FBXL17: variants seen among roughly 807,000 people sequenced by gnomAD.
The protein encoded by FBXL17 is F-box and leucine rich repeat protein 17, also known as F-box/LRR-repeat protein 17.
A neutral mutation model predicts 66.2 loss-of-function variants in FBXL17; 22 were observed. The observed-to-expected ratio is 0.33, with a 90% confidence interval of 0.24 to 0.47. The LOEUF (loss-of-function observed/expected upper bound fraction) is 0.47, where lower values mean the gene tolerates loss of function less well. Ranked by LOEUF, FBXL17 falls within the 20% of genes least tolerant of loss-of-function variation. FBXL17 has a pLI of 1.00. For missense variants in FBXL17, 878 were observed against 948.2 expected (o/e 0.93, Z 0.97); for synonymous variants, 474 against 400.5 (o/e 1.18, Z -2.19).
chr5:108,014,133 T>G (rs576840812), intron 7 of FBXL17, among the ~76,000 whole-genome samples: 1 of 152,246 alleles, frequency 6.6e-6, no homozygotes, highest in East Asian at 1.9e-4. Flanking sequence ...TGATGCTTTA[T>G]ATGATTTGGG....
chr5:108,131,942 C>T (rs1310218565), intron 6 of FBXL17, among the ~76,000 whole-genome samples: 1 of 151,152 alleles, frequency 6.6e-6, no homozygotes, highest in Non-Finnish European at 1.5e-5. Context: ...ATGAGTCCTT[C>T]CAAAATGAAT....
Position 108,186,103 on chromosome 5 carries a change from G to A in FBXL17, c.1745+14C>T, listed in dbSNP as rs1217841199. The stretch of plus-strand genomic sequence containing the variant: ...TCCTCTAGAAAAGTATTTTTAACAT[G>A]TTACAATGGTTACCTGTCATTTATG... On this transcript the variant is annotated intron_variant, in intron 6 of 8. Transcript: ENST00000542267. 6.3e-7 allele frequency: 1 copy of A among 1,597,946 alleles called. No individual in the cohort carries two copies. The highest frequency in any genetic ancestry group is 8.6e-7 in the Non-Finnish European group (1 of 1,169,258).
intron 4 of FBXL17, among the ~76,000 whole-genome samples, chr5:108,321,835 A>G (rs1759633999): frequency 6.6e-6 from 1 of 151,950 alleles, no homozygotes; most frequent in African/African-American, 2.4e-5. Flanking sequence ...TAATATCTTT[A>G]ATTTATAAAA....
chr5:108,100,580 G>A (rs1012507389), intron 6 of FBXL17, among the ~76,000 whole-genome samples: 7 of 152,068 alleles, frequency 4.6e-5, no homozygotes, highest in South Asian at 2.1e-4. Context: ...ACCCTACCAG[G>A]AGGCTGGTTT....
intron 6 of FBXL17, among the ~76,000 whole-genome samples, chr5:108,129,154 C>T (rs1348712884): frequency 6.6e-6 from 1 of 152,030 alleles, no homozygotes; most frequent in Non-Finnish European, 1.5e-5. Flanking sequence ...AATCAATCTA[C>T]TGTTATTGCA....
intron 4 of FBXL17, among the ~76,000 whole-genome samples, chr5:108,316,033 T>C (rs893723215): frequency 6.6e-6 from 1 of 151,452 alleles, no homozygotes; most frequent in Non-Finnish European, 1.5e-5. Context: ...CTGACATCTA[T>C]TAAACAAAGG....
intron 6 of FBXL17, among the ~76,000 whole-genome samples, chr5:108,049,782 C>T (rs1561385494): frequency 6.6e-6 from 1 of 152,180 alleles, no homozygotes; most frequent in Non-Finnish European, 1.5e-5. Context: ...AATTAAAAGA[C>T]ACAGACTGGC....
At chr5:108,376,212 G>A (rs1295376728) in intron 1 of FBXL17, among the ~76,000 whole-genome samples, 1 of 152,064 alleles carries the variant, frequency 6.6e-6, no homozygotes, top group Non-Finnish European at 1.5e-5. Flanking sequence ...CCCAAAATCA[G>A]AAACAAAACA....
At chr5:107,910,877 T>G (rs1749929031) in intron 7 of FBXL17, among the ~76,000 whole-genome samples, 1 of 152,002 alleles carries the variant, frequency 6.6e-6, no homozygotes, top group African/African-American at 2.4e-5. Context: ...GTATAAAACT[T>G]TATTAAAGGA....
chr5:108,235,475 T>C (rs184783865), intron 4 of FBXL17, among the ~76,000 whole-genome samples: 2 of 152,296 alleles, frequency 1.3e-5, no homozygotes, highest in Admixed American at 1.3e-4. Context: ...TGTCATTCTT[T>C]TCCGGGATAT....
intron 4 of FBXL17, among the ~76,000 whole-genome samples, chr5:108,287,321 A>T (rs1039729413): frequency 1.2e-4 from 19 of 152,074 alleles, no homozygotes; most frequent in African/African-American, 4.6e-4. Flanking sequence ...CTGACAGAGT[A>T]AACAGACAGT....
chr5:108,269,589 T>C (rs1242005466), intron 4 of FBXL17, among the ~76,000 whole-genome samples: 2 of 152,070 alleles, frequency 1.3e-5, no homozygotes, highest in African/African-American at 4.8e-5. Context: ...CTTCATTCTC[T>C]AGACCTGGAG....
chr5:108,047,905 T>TC, intron 6 of FBXL17, among the ~76,000 whole-genome samples: 1 of 151,944 alleles, frequency 6.6e-6, no homozygotes, highest in Non-Finnish European at 1.5e-5. Context: ...CAAATGGGGT[T>TC]CCCCCCAGCG....
intron 6 of FBXL17, among the ~76,000 whole-genome samples, chr5:108,096,021 A>C (rs1050729870): frequency 6.6e-6 from 1 of 152,230 alleles, no homozygotes; most frequent in Non-Finnish European, 1.5e-5. Context: ...CATGATTACC[A>C]TATCAATCTA....
At chr5:108,213,151 A>G (rs1397639770) in intron 5 of FBXL17, among the ~76,000 whole-genome samples, 1 of 151,950 alleles carries the variant, frequency 6.6e-6, no homozygotes, top group Non-Finnish European at 1.5e-5. Context: ...CCCTCCCCCT[A>G]CCGAGCTTGA....
At chr5:108,138,003 A>AT (rs779584434) in intron 6 of FBXL17, among the ~76,000 whole-genome samples, 1 of 152,148 alleles carries the variant, frequency 6.6e-6, no homozygotes, top group Non-Finnish European at 1.5e-5. Flanking sequence ...GTTTTCTAGA[A>AT]TTTTTTGTCT....
At chr5:108,239,476 C>T (rs1431801539) in intron 4 of FBXL17, among the ~76,000 whole-genome samples, 3 of 152,176 alleles carry the variant, frequency 2.0e-5, no homozygotes, top group African/African-American at 4.8e-5. Flanking sequence ...CAACACCAGG[C>T]AGAACTACGC....
At chr5:108,340,155 A>C (rs1204717567) in intron 4 of FBXL17, among the ~76,000 whole-genome samples, 4 of 151,988 alleles carry the variant, frequency 2.6e-5, no homozygotes, top group African/African-American at 9.7e-5. Flanking sequence ...TAAGAGAAAG[A>C]TACCAATAGA....
intron 4 of FBXL17, among the ~76,000 whole-genome samples, chr5:108,244,837 A>G (rs12658221): frequency 0.044 from 6,644 of 152,272 alleles, 779 homozygotes; most frequent in East Asian, 0.39. Context: ...GTTTAACTGT[A>G]TATAACAGGT....
Sources: allele counts gnomAD v4.1 joint callset (sites outside exome capture counted in the v4.1 genomes callset), GRCh38; gene constraint gnomAD v4.1.1; transcripts MANE v1.5; gene names NCBI Gene and HGNC (gene_info 2026-07-23, HGNC 2026-07-21).